PLCH1: variants seen among roughly 807,000 people sequenced by gnomAD.
PLCH1 encodes the protein phospholipase C eta 1.
Under a neutral mutation model 126.7 loss-of-function variants are expected in PLCH1, and 60 were observed. That is an observed-to-expected ratio of 0.47 (90% CI 0.38 to 0.59). PLCH1 has a LOEUF of 0.59. Ranked by LOEUF, PLCH1 falls within the 20% of genes least tolerant of loss-of-function variation. The probability of loss-of-function intolerance (pLI) is 0.00; values close to 1 mark genes in which losing one functional copy is unlikely to be tolerated. For missense variants in PLCH1, 1,723 were observed against 2,040.0 expected, an observed-to-expected ratio of 0.84 and a Z score of 2.99; for synonymous variants, 719 against 734.9, an observed-to-expected ratio of 0.98 and a Z score of 0.35.
Position 155,662,495 on chromosome 3 carries a change from C to T in PLCH1, c.79+41651G>A, listed in dbSNP as rs139778589. The stretch of plus-strand genomic sequence containing the variant: ...AAAAAATTAAAAATAAAAATAAAAC[C>T]TATATATGTATATATACAAGTTTTT... On this transcript the variant is annotated intron_variant, in intron 2 of 22. Coordinates refer to ENST00000460012, the MANE Select transcript of PLCH1 (RefSeq NM_014996.4). Among the ~76,000 whole-genome samples, 580 of 151,306 alleles carry T rather than the reference C, an allele frequency of 3.8e-3. 4 individuals carry two copies. The highest frequency in any genetic ancestry group is 7.8e-3 in the Admixed American group (119 of 15,212).
chr3:155,466,430 T>C (rs568023429), intron 21 of PLCH1, among the ~76,000 whole-genome samples: 1 of 152,346 alleles, frequency 6.6e-6, no homozygotes, highest in African/African-American at 2.4e-5. Flanking sequence ...ACACTGTTAC[T>C]AGGCTTGGAG....
intron 15 of PLCH1, among the ~76,000 whole-genome samples, chr3:155,495,123 G>C (rs1716843915): frequency 1.3e-5 from 2 of 152,030 alleles, no homozygotes; most frequent in South Asian, 2.1e-4. Context: ...GAGAAAAAGA[G>C]GTCAAAAGCA....
intron 2 of PLCH1, among the ~76,000 whole-genome samples, chr3:155,606,457 T>C (rs1351613520): frequency 1.3e-5 from 2 of 152,228 alleles, no homozygotes; most frequent in East Asian, 1.9e-4. Context: ...CTCCACATTA[T>C]GAGGAAACTT....
chr3:155,482,275 T>A lies in PLCH1; in HGVS notation c.3751A>T (p.Ile1251Leu), dbSNP rs1390320479. 3 of 1,614,072 alleles carry A rather than the reference T, an allele frequency of 1.9e-6. No individual in the cohort carries two copies. Among genetic ancestry groups the A allele is most frequent in the Non-Finnish European group, 2.5e-6 (3 of 1,180,042 alleles). ...GTGGTCTCAGAACTCGAGAGTGCTA[T>A]CAGCTCCGGAGATGAGCACAGGAAG... is the stretch of plus-strand genomic sequence containing the variant. ...SSFLCSSPELIALSSSETTKH... is the reference protein window; with the variant it reads ...SSFLCSSPELLALSSSETTKH... Residue 1251 changes from isoleucine (I) to leucine (L), a missense_variant, in exon 23 of 23, where the codon ATA (isoleucine) becomes TTA (leucine). By Grantham distance (5) the Ile-to-Leu change is conservative. Around this residue, in one of 2 missense-constraint regions of PLCH1, gnomAD observed 947 missense variants for 977.1 expected, o/e 0.97. Coordinates refer to ENST00000460012, the MANE Select transcript of PLCH1 (RefSeq NM_014996.4).
At chr3:155,532,346 T>C (rs965774543) in intron 10 of PLCH1, among the ~76,000 whole-genome samples, 44 of 152,264 alleles carry the variant, frequency 2.9e-4, no homozygotes, top group Non-Finnish European at 5.7e-4. Context: ...GTGAGACAGC[T>C]GAAAAACTGT....
intron 11 of PLCH1, among the ~76,000 whole-genome samples, chr3:155,518,618 A>G (rs1165614617): frequency 6.6e-6 from 1 of 152,206 alleles, no homozygotes; most frequent in Admixed American, 6.5e-5. Flanking sequence ...TCCCTCTGGG[A>G]AAAACAATTT....
chr3:155,633,711 C>T (rs528233027), intron 2 of PLCH1, among the ~76,000 whole-genome samples: 205 of 152,208 alleles, frequency 1.3e-3, no homozygotes, highest in Non-Finnish European at 2.0e-3. Context: ...CACTTGAGGC[C>T]GGGAGTTCGA....
chr3:155,624,648 A>G (rs1413841751), intron 2 of PLCH1, among the ~76,000 whole-genome samples: 2 of 152,164 alleles, frequency 1.3e-5, no homozygotes, highest in African/African-American at 4.8e-5. Flanking sequence ...CACAATTGCT[A>G]CAAGGAGAAT....
chr3:155,568,348 G>A, intron 6 of PLCH1, 24 bp from the exon 7 acceptor site: 1 of 949,088 alleles, frequency 1.1e-6, no homozygotes, highest in Non-Finnish European at 1.7e-6. Context: ...AATACTAGTA[G>A]AGTACCTGCA....
intron 2 of PLCH1, among the ~76,000 whole-genome samples, chr3:155,602,426 T>G (rs1258034508): frequency 6.6e-6 from 1 of 151,920 alleles, no homozygotes; most frequent in African/African-American, 2.4e-5. Flanking sequence ...CTTAAATCAG[T>G]AAGAGTAGGA....
intron 2 of PLCH1, among the ~76,000 whole-genome samples, chr3:155,667,862 C>G (rs13070162): frequency 0.078 from 9,877 of 126,452 alleles, 384 homozygotes; most frequent in Middle Eastern, 0.14. Context: ...GTCAAGAGTT[C>G]AAGACCAGCC....
chr3:155,676,320 C>G (rs1577303316), intron 2 of PLCH1: 1 of 1,105,470 alleles, frequency 9.0e-7, no homozygotes, highest in Non-Finnish European at 1.1e-6. Flanking sequence ...AGCATCTGCT[C>G]GGGGCTGCCG....
chr3:155,561,917 G>A (rs1727685392), intron 8 of PLCH1, among the ~76,000 whole-genome samples: 1 of 152,092 alleles, frequency 6.6e-6, no homozygotes, highest in Admixed American at 6.6e-5. Flanking sequence ...GAGCAGCTGG[G>A]ACTACAGGTG....
chr3:155,657,001 G>A (rs1192605194), intron 2 of PLCH1, among the ~76,000 whole-genome samples: 1 of 136,790 alleles, frequency 7.3e-6, no homozygotes, highest in Non-Finnish European at 1.5e-5. Context: ...TAACCAGCTA[G>A]AAAATATAAT....
At chr3:155,540,037 A>T (rs1181729187) in intron 10 of PLCH1, among the ~76,000 whole-genome samples, 1 of 152,230 alleles carries the variant, frequency 6.6e-6, no homozygotes, top group Non-Finnish European at 1.5e-5. Flanking sequence ...GTATATAAAA[A>T]TAGGCACATA....
intron 2 of PLCH1, among the ~76,000 whole-genome samples, chr3:155,680,764 A>C (rs1271275424): frequency 6.6e-6 from 1 of 152,222 alleles, no homozygotes; most frequent in African/African-American, 2.4e-5. Context: ...TATAGAAGGA[A>C]GTATCCTTTC....
At chr3:155,722,174 TC>T in intron 1 of PLCH1, among the ~76,000 whole-genome samples, 1 of 152,114 alleles carries the variant, frequency 6.6e-6, no homozygotes, top group Non-Finnish European at 1.5e-5. Flanking sequence ...CTTTTTTTTT[TC>T]TTTTTGAGAT....
chr3:155,489,706 T>C (rs146129031), intron 19 of PLCH1, among the ~76,000 whole-genome samples: 43 of 152,342 alleles, frequency 2.8e-4, no homozygotes, highest in African/African-American at 1.0e-3. Flanking sequence ...TACATTTACT[T>C]GGTAAAATTC....
intron 10 of PLCH1, among the ~76,000 whole-genome samples, chr3:155,530,282 C>G (rs1198337449): frequency 6.6e-6 from 1 of 151,632 alleles, no homozygotes; most frequent in East Asian, 1.9e-4. Flanking sequence ...AATTCCTCAT[C>G]TATTTAAGTT....
Sources: gnomAD v4.1 joint callset for allele counts (sites outside exome capture counted in the v4.1 genomes callset) on GRCh38, gnomAD v4.1.1 for gene constraint, gnomAD v4.1.1 regional missense constraint, MANE v1.5 for transcripts, NCBI Gene and HGNC (gene_info 2026-07-23, HGNC 2026-07-21) for gene names.